GNG4: variants seen among roughly 807,000 people sequenced by gnomAD.
GNG4 encodes the protein G protein subunit gamma 4, also known as guanine nucleotide-binding protein G(I)/G(S)/G(O) subunit gamma-4.
Under a neutral mutation model 5.8 loss-of-function variants are expected in GNG4, and 4 were observed. The ratio of observed to expected loss-of-function variants is 0.69; its 90% CI spans 0.34 to 1.57. The LOEUF (loss-of-function observed/expected upper bound fraction) is 1.57, where lower values mean the gene tolerates loss of function less well. Among genes scored for constraint, GNG4 ranks in the 40% most tolerant of loss-of-function variants. The probability of loss-of-function intolerance (pLI) is 0.06; values close to 1 mark genes in which losing one functional copy is unlikely to be tolerated. For synonymous variants in GNG4, 29 were observed against 32.9 expected, an observed-to-expected ratio of 0.88 and a Z score of 0.41; for missense variants, 96 against 95.1, an observed-to-expected ratio of 1.01 and a Z score of -0.04.
intron 3 of GNG4, among the ~76,000 whole-genome samples, chr1:235,576,555 A>T (rs1477146568): frequency 1.3e-5 from 2 of 152,270 alleles, no homozygotes; most frequent in Non-Finnish European, 2.9e-5. Context: ...GAGGCTATAC[A>T]GGTTCTATGG....
rs1278416500 is a variant in GNG4, at chr1:235,638,546, G to A, written c.-123+11116C>T. On this transcript the variant is annotated intron_variant, in intron 1 of 3. Coordinates refer to ENST00000391854, the MANE Select transcript of GNG4 (RefSeq NM_001098722.2). ...ATACATGTGCAGAACGTGCAGGTGT[G>A]TTACATAGATATACGTGTGCCATGG... 2.6e-5 allele frequency among the ~76,000 whole-genome samples: 4 copies of A among 151,434 alleles called. No individual in the cohort carries two copies. In the South Asian group the frequency reaches 8.3e-4, roughly 32 times the overall value.
chr1:235,598,732 ATT>A (rs34577116), intron 1 of GNG4, among the ~76,000 whole-genome samples: 1 of 146,534 alleles, frequency 6.8e-6, no homozygotes. Context: ...TTCCCAGGTG[ATT>A]TTTTTTTTTT....
intron 3 of GNG4, among the ~76,000 whole-genome samples, chr1:235,575,085 A>C (rs1174423796): frequency 6.6e-6 from 1 of 152,162 alleles, no homozygotes; most frequent in Non-Finnish European, 1.5e-5. Context: ...TCGGACTCCC[A>C]AAGTGGTGGA....
intron 3 of GNG4, among the ~76,000 whole-genome samples, chr1:235,552,647 T>G (rs1686786001): frequency 6.6e-6 from 1 of 152,260 alleles, no homozygotes; most frequent in Non-Finnish European, 1.5e-5. Context: ...TCATTATTAG[T>G]TGTTTTATTG....
intron 1 of GNG4, among the ~76,000 whole-genome samples, chr1:235,600,902 G>GT (rs921213586): frequency 2.0e-5 from 3 of 152,134 alleles, no homozygotes; most frequent in East Asian, 1.9e-4. Context: ...CAGAGGCCTT[G>GT]TTTTTTTTAG....
In GNG4 at chr1:235,619,132, CT is replaced by C. The variant is rs1206191490; in HGVS notation, c.-122-23622del. On this transcript the variant is annotated intron_variant, in intron 1 of 3. Coordinates refer to ENST00000391854, the MANE Select transcript of GNG4 (RefSeq NM_001098722.2). ...CTCGGCAACATTGCAAACGCTGTCT[CT>C]AAAAAAAAAAAAAAAAAAAAAAAAT... Among the ~76,000 whole-genome samples, 3 of 33,504 alleles carry C rather than the reference CT, an allele frequency of 9.0e-5. No homozygotes were observed. In the Admixed American group the frequency reaches 1.4e-3, roughly 15 times the overall value. 22.0% of individuals were successfully genotyped at this position (33,504 alleles called of 152,430 possible). A position where few individuals can be genotyped will look rare whatever the true frequency, so the allele number is the denominator to read the frequency against.
At chr1:235,577,598 G>A (rs749858687) in intron 3 of GNG4, among the ~76,000 whole-genome samples, 28 of 152,122 alleles carry the variant, frequency 1.8e-4, no homozygotes, top group Middle Eastern at 3.4e-3. Context: ...GTGCCACCAC[G>A]CCCGGCTAAG....
chr1:235,647,519 C>T (rs1381035528), intron 1 of GNG4, among the ~76,000 whole-genome samples: 2 of 152,132 alleles, frequency 1.3e-5, no homozygotes, highest in African/African-American at 4.8e-5. Context: ...TCTGCATAAG[C>T]AGTAGTTTTG....
chr1:235,592,636 CAGA>C (rs1687999441), intron 2 of GNG4, among the ~76,000 whole-genome samples: 1 of 152,152 alleles, frequency 6.6e-6, no homozygotes, highest in Non-Finnish European at 1.5e-5. Flanking sequence ...GATTGCAAAT[CAGA>C]AGATCTTTAA....
At position 235,583,729 on chromosome 1, in the gene GNG4, T is replaced by C. The variant is rs767478915; in HGVS notation, c.99+11A>G. 14 of 1,572,098 alleles carry C rather than the reference T, an allele frequency of 8.9e-6. No homozygotes were observed. In the African/African-American group the frequency reaches 9.4e-5, roughly 11 times the overall value. The stretch of plus-strand genomic sequence containing the variant: ...TCGGGCGGAGGGTGGGGCTGACGCA[T>C]GCATGCTTACCTTGACCCTGTCCAT... On this transcript the variant is annotated intron_variant, in intron 3 of 3. Transcript: ENST00000391854.
At position 235,565,122 on chromosome 1, in the gene GNG4, A is replaced by T. The variant is rs941659737; in HGVS notation, c.100-12885T>A. Among the ~76,000 whole-genome samples, 16 of 152,316 alleles carry T rather than the reference A, an allele frequency of 1.1e-4. No individual in the cohort carries two copies. In the South Asian group the frequency reaches 1.2e-3, roughly 12 times the overall value. On this transcript the variant is annotated intron_variant, in intron 3 of 3. Transcript: ENST00000391854. ...ACACACATGTATGTGCAGAGTCCAG[A>T]GGAGGCAGGAGACCACTCGGGCCAT...
At chr1:235,562,950 A>T (rs1470527459) in intron 3 of GNG4, among the ~76,000 whole-genome samples, 1 of 152,142 alleles carries the variant, frequency 6.6e-6, no homozygotes, top group Admixed American at 6.5e-5. Flanking sequence ...CTAATGCAAA[A>T]TATATTCTTT....
chr1:235,579,323 C>A (rs1159503145), intron 3 of GNG4, among the ~76,000 whole-genome samples: 11 of 151,576 alleles, frequency 7.3e-5, no homozygotes, highest in Non-Finnish European at 1.3e-4. Context: ...TCATGTTGTA[C>A]ACCATAAATA....
chr1:235,627,144 A>C (rs1009218479), intron 1 of GNG4, among the ~76,000 whole-genome samples: 1 of 152,020 alleles, frequency 6.6e-6, no homozygotes, highest in Admixed American at 6.6e-5. Context: ...AAGCTGTCTT[A>C]TCTCTCCTAG....
At chr1:235,649,990 C>A (rs979327462), upstream of GNG4, 1 of 150,640 alleles carries the variant, frequency 6.6e-6, no homozygotes, top group Non-Finnish European at 1.5e-5. This position sits in a 1 kb window ranked among gnomAD's most constrained non-coding sequence, Gnocchi z 5.7. Context: ...CGACCCTCGC[C>A]CCCGTTCCAC....
At chr1:235,635,092 G>T (rs1425113049) in intron 1 of GNG4, among the ~76,000 whole-genome samples, 1 of 152,152 alleles carries the variant, frequency 6.6e-6, no homozygotes, top group Non-Finnish European at 1.5e-5. Context: ...ACCAGAAATG[G>T]AAGGATTTTG....
chr1:235,624,259 C>T (rs1277546905), intron 1 of GNG4, among the ~76,000 whole-genome samples: 2 of 151,816 alleles, frequency 1.3e-5, no homozygotes, highest in South Asian at 2.1e-4. Context: ...CGCACCACCA[C>T]GCCCGGCTAA....
chr1:235,570,123 C>T (rs1420929167), intron 3 of GNG4, among the ~76,000 whole-genome samples: 1 of 152,062 alleles, frequency 6.6e-6, no homozygotes, highest in African/African-American at 2.4e-5. Context: ...TTTTCTATTC[C>T]ATTTATTCTC....
At position 235,548,532 on chromosome 1, in the gene GNG4, C is replaced by T. The variant is rs1159035112; in HGVS notation, c.*3577G>A. Reference sequence around the variant, plus strand: ...TCTCAGCATCCCTTCATTTGTGTCACATTCTCCAGGCTCATAGCCCCAAGC... The same window carrying T: ...TCTCAGCATCCCTTCATTTGTGTCATATTCTCCAGGCTCATAGCCCCAAGC... On this transcript the variant is annotated 3_prime_UTR_variant, in exon 4 of 4. Coordinates refer to ENST00000391854, the MANE Select transcript of GNG4 (RefSeq NM_001098722.2). 1 of 152,344 alleles carries T rather than the reference C, an allele frequency of 6.6e-6. No individual in the cohort carries two copies. Among genetic ancestry groups the T allele is most frequent in the Admixed American group, 6.5e-5 (1 of 15,270 alleles). 9.4% of individuals were successfully genotyped at this position (152,344 alleles called of 1,614,324 possible).
Sources: gnomAD v4.1 joint callset for allele counts (sites outside exome capture counted in the v4.1 genomes callset) on GRCh38, gnomAD v4.1.1 for gene constraint, Gnocchi (gnomAD v3.1) non-coding constraint, MANE v1.5 for transcripts, NCBI Gene and HGNC (gene_info 2026-07-23, HGNC 2026-07-21) for gene names.